DOT1L: variants seen among roughly 807,000 people sequenced by gnomAD.
DOT1L encodes histone-lysine N-methyltransferase, H3 lysine-79 specific.
A neutral mutation model predicts 153.3 loss-of-function variants in DOT1L; 33 were observed. The observed-to-expected ratio is 0.22, with a 90% confidence interval of 0.16 to 0.29. DOT1L has a LOEUF of 0.29. Among genes scored for constraint, DOT1L ranks in the 10% least tolerant of loss-of-function variants. The pLI, the probability that DOT1L is intolerant of heterozygous loss-of-function variation, is 1.00. For missense variants in DOT1L, 1,847 were observed against 2,119.9 expected, an observed-to-expected ratio of 0.87 and a Z score of 2.53; for synonymous variants, 1,135 against 965.1, an observed-to-expected ratio of 1.18 and a Z score of -3.26.
chr19:2,189,952 G>T (rs930131693), intron 4 of DOT1L, among the ~76,000 whole-genome samples, 157 bp downstream of exon 4: 3 of 152,180 alleles, frequency 2.0e-5, no homozygotes, highest in Non-Finnish European at 4.4e-5. Flanking sequence ...TGGGTGAGTG[G>T]TGTGGGGGCT....
intron 7 of DOT1L, among the ~76,000 whole-genome samples, chr19:2,198,808 C>T (rs935944756): frequency 3.9e-5 from 6 of 152,204 alleles, no homozygotes; most frequent in Non-Finnish European, 7.3e-5. Context: ...TCACACACTG[C>T]GTGGCCCTCT....
At position 2,226,607 on chromosome 19, in the gene DOT1L, G is replaced by A. The variant is rs752384291; in HGVS notation, c.4086G>A (p.Ser1362=). Residue 1362 remains serine (S), a synonymous_variant, in exon 27 of 28, where the codon TCG becomes TCA. Coordinates refer to ENST00000398665, the MANE Select transcript of DOT1L (RefSeq NM_032482.3). ...CCTCGCAGCGCGGCAAGGAGGGCTCGGACGCCAACCCTTTCCTGAGCAAGA... is the reference window on the plus strand; with the variant it reads ...CCTCGCAGCGCGGCAAGGAGGGCTCAGACGCCAACCCTTTCCTGAGCAAGA... ...SFPSQRGKEG[S]DANPFLSKRQ... is the part of the protein sequence containing the mutation. 3.3e-5 allele frequency: 52 copies of A among 1,597,088 alleles called. No homozygotes were observed. Among genetic ancestry groups the A allele is most frequent in the Non-Finnish European group, 1.7e-5 (20 of 1,176,010 alleles).
rs538530646 is a variant in DOT1L, at chr19:2,203,449, C to G, written c.787+670C>G. The stretch of plus-strand genomic sequence containing the variant: ...CTACAGCTTGCTTATGGCCAGCTGA[C>G]CACCCAGGGGCAAGAGTCCCCTTTA... On this transcript the variant is annotated intron_variant, in intron 9 of 27. Transcript: ENST00000398665. Among the ~76,000 whole-genome samples the G allele has an allele frequency of 4.6e-5, 7 of 152,308 alleles. No homozygotes were observed. The South Asian group carries it at 1.5e-3, about 32-fold the overall frequency.
intron 8 of DOT1L, among the ~76,000 whole-genome samples, chr19:2,201,168 C>G (rs2023261941): frequency 7.0e-6 from 1 of 143,056 alleles, no homozygotes; most frequent in Non-Finnish European, 1.5e-5. Flanking sequence ...CATTCCTCGT[C>G]CTCCCCGCAT....
rs202083194 is a variant in DOT1L at position 2,226,289 on chromosome 19, G to T, written c.3768G>T (p.Ser1256=). ...TCTCCGACATCGGCCTGGCCAAGTC[G>T]GCGGACAGCCCGCTGCAGGCCAGCT... is the stretch of plus-strand genomic sequence containing the variant. ...SPISDIGLAK[S]ADSPLQASSA... The change falls in exon 27 of 28, where the codon TCG becomes TCT. Residue 1256 remains serine (S), a synonymous_variant. Coordinates refer to ENST00000398665, the MANE Select transcript of DOT1L (RefSeq NM_032482.3). 4.4e-6 allele frequency: 7 copies of T among 1,597,570 alleles called. No individual in the cohort carries two copies. Among genetic ancestry groups the T allele is most frequent in the Non-Finnish European group, 6.0e-6 (7 of 1,172,258 alleles).
At chr19:2,187,046 G>A (rs751218224) in intron 3 of DOT1L, among the ~76,000 whole-genome samples, 3 of 152,184 alleles carry the variant, frequency 2.0e-5, no homozygotes, top group East Asian at 1.9e-4. Context: ...GAGGCTTCTC[G>A]GAGACTTGCT....
intron 27 of DOT1L, chr19:2,227,901 C>A: frequency 8.1e-7 from 1 of 1,231,614 alleles, no homozygotes; most frequent in South Asian, 1.4e-5. Context: ...TGAGACCCGG[C>A]CGCCCCCTCC....
In DOT1L at chr19:2,190,101, A is replaced by C. The variant is rs2022727519; in HGVS notation, c.264+306A>C. On this transcript the variant is annotated intron_variant, in intron 4 of 27. Transcript: ENST00000398665. This position sits in a 1 kb window ranked among gnomAD's most constrained non-coding sequence, Gnocchi z 4.8. Reference sequence around the variant, plus strand: ...GGTTGGTGTCCGCAGGTCCCAGCAGAGGCGGGGTCCCTGTCCTCCCCGGGC... The same window carrying C: ...GGTTGGTGTCCGCAGGTCCCAGCAGCGGCGGGGTCCCTGTCCTCCCCGGGC... Among the ~76,000 whole-genome samples the C allele has an allele frequency of 6.6e-6, 1 of 152,080 alleles. No homozygotes were observed. The highest frequency in any genetic ancestry group is 2.4e-5 in the African/African-American group (1 of 41,392).
chr19:2,224,269 C>T (rs1326119926), intron 25 of DOT1L, among the ~76,000 whole-genome samples: 2 of 152,170 alleles, frequency 1.3e-5, no homozygotes, highest in Non-Finnish European at 2.9e-5. Flanking sequence ...TTCCCGTTTC[C>T]TGGTGCCTGG....
At chr19:2,227,921 T>TCCGCCTCCC in intron 27 of DOT1L, 2 of 1,056,050 alleles carry the variant, frequency 1.9e-6, no homozygotes, top group Non-Finnish European at 2.4e-6. Flanking sequence ...CGCCTCCGCC[T>TCCGCCTCCC]CCGCCTCCCC....
chr19:2,170,271 A>G (rs544595897), intron 1 of DOT1L, among the ~76,000 whole-genome samples: 10 of 152,330 alleles, frequency 6.6e-5, no homozygotes, highest in Non-Finnish European at 1.5e-4. Context: ...ATGCAGGAAC[A>G]GATAGATGCC....
In DOT1L at chr19:2,207,805, G is replaced by A. The variant is rs1205821152; in HGVS notation, c.963+125G>A. 5.7e-6 allele frequency: 5 copies of A among 880,574 alleles called. No homozygotes were observed. Among genetic ancestry groups the A allele is most frequent in the South Asian group, 1.7e-5 (1 of 58,032 alleles). 54.5% of individuals were successfully genotyped at this position (880,574 alleles called of 1,614,324 possible). The stretch of plus-strand genomic sequence containing the variant: ...CCCCTCAGAGCCCTCAACGCCCCCC[G>A]GCCCCTGAGCTCAGGCCCAGCTCCT... On this transcript the variant is annotated intron_variant, in intron 11 of 27. Coordinates refer to ENST00000398665, the MANE Select transcript of DOT1L (RefSeq NM_032482.3). The surrounding 1 kb of genome is among the most constrained non-coding windows in gnomAD (Gnocchi z 4.5).
rs1316159760 is a variant in DOT1L at position 2,220,582 on chromosome 19, C to T, written c.2806+360C>T. The T allele has an allele frequency of 2.1e-6, 1 of 465,346 alleles. No individual in the cohort carries two copies. The highest frequency in any genetic ancestry group is 2.0e-5 in the African/African-American group (1 of 50,616). The allele number at this position is 465,346 out of a possible 1,614,324, so 28.8% of individuals were successfully genotyped here. A position where few individuals can be genotyped will look rare whatever the true frequency, so the allele number is the denominator to read the frequency against. ...CCACACACAGCAGTGCCCAATGGCA[C>T]ACGACCGTGGGCCTCCGTGCTGGTA... On this transcript the variant is annotated intron_variant, in intron 23 of 27. Coordinates refer to ENST00000398665, the MANE Select transcript of DOT1L (RefSeq NM_032482.3). This position sits in a 1 kb window ranked among gnomAD's most constrained non-coding sequence, Gnocchi z 4.5.
At chr19:2,203,173 G>C (rs1188033586) in intron 9 of DOT1L, among the ~76,000 whole-genome samples, 2 of 152,198 alleles carry the variant, frequency 1.3e-5, no homozygotes, top group East Asian at 3.8e-4. Context: ...CGCGATCTCA[G>C]CTTACCGCAA....
chr19:2,192,502 C>T (rs967825358), intron 5 of DOT1L, among the ~76,000 whole-genome samples: 4 of 151,772 alleles, frequency 2.6e-5, no homozygotes, highest in African/African-American at 9.7e-5. Flanking sequence ...GTGAAACTTT[C>T]CCTCTACTAA....
chr19:2,227,210 CTT>C lies in DOT1L; in HGVS notation c.4606+84_4606+85del, dbSNP rs767412199. The C allele has an allele frequency of 5.9e-6, 9 of 1,533,268 alleles. No homozygotes were observed. The African/African-American group carries it at 1.1e-4, about 19-fold the overall frequency. The allele number at this position is 1,533,268 out of a possible 1,614,324, so 95.0% of individuals were successfully genotyped here. ...CTTTGCAGGTTCCCTTCCGCACTCT[CTT>C]GCAGCAGGAGCTGAGCTGCAGGTCC... On this transcript the variant is annotated intron_variant, in intron 27 of 27. Coordinates refer to ENST00000398665, the MANE Select transcript of DOT1L (RefSeq NM_032482.3).
At chr19:2,216,000 G>A (rs1267030128) in intron 19 of DOT1L, 2 of 405,280 alleles carry the variant, frequency 4.9e-6, no homozygotes, top group Non-Finnish European at 8.8e-6. Context: ...TTTACACTTA[G>A]AGTCTATTTT....
chr19:2,218,125 A>G (rs1011666500), intron 22 of DOT1L, among the ~76,000 whole-genome samples: 3 of 152,302 alleles, frequency 2.0e-5, no homozygotes, highest in South Asian at 4.1e-4. Flanking sequence ...GGTGAAAGGT[A>G]CGTGTGCAAG....
chr19:2,209,889 C>T (rs1207712450), intron 12 of DOT1L, among the ~76,000 whole-genome samples: 1 of 152,220 alleles, frequency 6.6e-6, no homozygotes, highest in Non-Finnish European at 1.5e-5. Context: ...GTGGGTCTTC[C>T]CTGGAGAGCA....
Sources: gnomAD v4.1 joint callset for allele counts (sites outside exome capture counted in the v4.1 genomes callset) on GRCh38, gnomAD v4.1.1 for gene constraint, Gnocchi (gnomAD v3.1) non-coding constraint, MANE v1.5 for transcripts, NCBI Gene and HGNC (gene_info 2026-07-23, HGNC 2026-07-21) for gene names.